TAFA2: variants seen among roughly 807,000 people sequenced by gnomAD.
TAFA2 encodes chemokine-like protein TAFA-2.
In TAFA2, 7 loss-of-function variants were observed where a neutral mutation model predicts 18.8. That is an observed-to-expected ratio of 0.37 (90% CI 0.21 to 0.70). TAFA2 has a LOEUF of 0.70. Ranked by LOEUF, TAFA2 falls within the 30% of genes least tolerant of loss-of-function variation. TAFA2 has a pLI of 0.53. For synonymous variants in TAFA2, 60 were observed against 54.2 expected (o/e 1.11, Z -0.47); for missense variants, 122 against 158.1 (o/e 0.77, Z 1.23).
At chr12:61,998,327 T>A (rs1469464331) in intron 1 of TAFA2, among the ~76,000 whole-genome samples, 5 of 152,218 alleles carry the variant, frequency 3.3e-5, no homozygotes, top group African/African-American at 1.2e-4. Context: ...CAGAAAACTT[T>A]ATTTTTAAAC....
chr12:61,843,695 C>CCTTATGTGCCAGATGTTA (rs1216850471), intron 2 of TAFA2, among the ~76,000 whole-genome samples: 1 of 152,088 alleles, frequency 6.6e-6, no homozygotes, highest in East Asian at 1.9e-4. Flanking sequence ...CCAGATGTTA[C>CCTTATGTGCCAGATGTTA]CTTCAAGTTT....
chr12:62,147,324 A>ATG (rs1159355216), intron 1 of TAFA2, among the ~76,000 whole-genome samples: 30 of 20,016 alleles, frequency 1.5e-3, no homozygotes, highest in African/African-American at 4.1e-3. Context: ...GTGTGTATGT[A>ATG]TGTATATATA....
At chr12:61,824,454 T>G (rs1386279019) in intron 2 of TAFA2, among the ~76,000 whole-genome samples, 1 of 152,180 alleles carries the variant, frequency 6.6e-6, no homozygotes, top group Admixed American at 6.6e-5. Context: ...ATTCCCACAT[T>G]TTGTATAGAG....
chr12:61,781,044 C>A (rs1465513474), intron 2 of TAFA2, among the ~76,000 whole-genome samples: 1 of 151,666 alleles, frequency 6.6e-6, no homozygotes, highest in African/African-American at 2.4e-5. Flanking sequence ...CACCAGCTCA[C>A]AAGGGAAATT....
intron 1 of TAFA2, among the ~76,000 whole-genome samples, chr12:61,990,547 G>A (rs934408070): frequency 6.6e-6 from 1 of 151,754 alleles, no homozygotes; most frequent in African/African-American, 2.4e-5. Flanking sequence ...CACCATGTTA[G>A]CCAGGATGGT....
chr12:61,820,654 C>T (rs534718178), intron 2 of TAFA2, among the ~76,000 whole-genome samples: 1 of 152,088 alleles, frequency 6.6e-6, no homozygotes, highest in South Asian at 2.1e-4. Context: ...CTAAACAAGG[C>T]ACTCATTGAG....
chr12:61,797,947 T>A (rs79931342), intron 2 of TAFA2, among the ~76,000 whole-genome samples: 6,962 of 152,266 alleles, frequency 0.046, 505 homozygotes, highest in African/African-American at 0.16. Flanking sequence ...CAGTGTCTAC[T>A]CATATAGAAA....
At chr12:61,996,397 CCTCAG>C (rs150889180) in intron 1 of TAFA2, among the ~76,000 whole-genome samples, 1 of 152,292 alleles carries the variant, frequency 6.6e-6, no homozygotes, top group African/African-American at 2.4e-5. Flanking sequence ...CAGTCCTTCA[CCTCAG>C]CTTTCTACCA....
At chr12:62,136,552 T>C (rs1016070404) in intron 1 of TAFA2, among the ~76,000 whole-genome samples, 1 of 152,160 alleles carries the variant, frequency 6.6e-6, no homozygotes, top group Non-Finnish European at 1.5e-5. Flanking sequence ...ATCCTTGTAA[T>C]TCACAATGGC....
At chr12:62,045,169 G>A (rs1881877317) in intron 1 of TAFA2, among the ~76,000 whole-genome samples, 2 of 152,098 alleles carry the variant, frequency 1.3e-5, no homozygotes, top group Admixed American at 1.3e-4. Context: ...AAATAAGAAT[G>A]TACTTCCAAA....
At chr12:62,075,315 CT>C (rs1363773429) in intron 1 of TAFA2, among the ~76,000 whole-genome samples, 2 of 152,154 alleles carry the variant, frequency 1.3e-5, no homozygotes, top group Non-Finnish European at 2.9e-5. Context: ...AGTTATTCTT[CT>C]GATAGTAATT....
At chr12:61,940,288 T>C in intron 1 of TAFA2, among the ~76,000 whole-genome samples, 1 of 152,202 alleles carries the variant, frequency 6.6e-6, no homozygotes, top group East Asian at 1.9e-4. Context: ...AAATTCTTAA[T>C]AGTTTGTGAA....
At chr12:62,255,364 C>T (rs1344607874) in intron 1 of TAFA2, 1 of 152,008 alleles carries the variant, frequency 6.6e-6, no homozygotes. Flanking sequence ...CAGATTTTTC[C>T]TACTATGAAC....
chr12:61,820,521 G>A (rs1052553856), intron 2 of TAFA2, among the ~76,000 whole-genome samples: 1 of 149,614 alleles, frequency 6.7e-6, no homozygotes, highest in East Asian at 1.9e-4. Flanking sequence ...AATATAAAAA[G>A]AAGAGAAGGA....
At chr12:61,948,871 G>C (rs2121447642) in intron 1 of TAFA2, among the ~76,000 whole-genome samples, 1 of 152,292 alleles carries the variant, frequency 6.6e-6, no homozygotes, top group South Asian at 2.1e-4. Context: ...GAAGTCAGGT[G>C]ATTGCCTGTC....
chr12:61,765,199 C>A (rs1344899149), intron 2 of TAFA2, among the ~76,000 whole-genome samples: 2 of 152,062 alleles, frequency 1.3e-5, no homozygotes. Context: ...CACTCCATCA[C>A]CCACTCTCTC....
At chr12:61,936,199 C>T (rs777995460) in intron 1 of TAFA2, among the ~76,000 whole-genome samples, 1 of 152,114 alleles carries the variant, frequency 6.6e-6, no homozygotes, top group Non-Finnish European at 1.5e-5. Context: ...AAATGCAATA[C>T]ATCACATAAA....
intron 2 of TAFA2, among the ~76,000 whole-genome samples, chr12:61,858,088 T>C (rs1340719591): frequency 1.3e-5 from 2 of 152,168 alleles, no homozygotes; most frequent in African/African-American, 2.4e-5. Context: ...TCCTGCTCAG[T>C]GGCCATGGAA....
intron 1 of TAFA2, among the ~76,000 whole-genome samples, chr12:62,038,461 T>A (rs1353605457): frequency 6.6e-6 from 1 of 152,176 alleles, no homozygotes; most frequent in Admixed American, 6.6e-5. Flanking sequence ...AAAAACTATG[T>A]ACATAGCATT....
Sources: allele counts gnomAD v4.1 joint callset (sites outside exome capture counted in the v4.1 genomes callset), GRCh38; gene constraint gnomAD v4.1.1; transcripts MANE v1.5; gene names NCBI Gene and HGNC (gene_info 2026-07-23, HGNC 2026-07-21).